ZNF263: variants seen among roughly 807,000 people sequenced by gnomAD.
ZNF263 encodes zinc finger protein FPM315.
A neutral mutation model predicts 63.1 loss-of-function variants in ZNF263; 49 were observed. The ratio of observed to expected loss-of-function variants is 0.78; its 90% CI spans 0.62 to 0.99. ZNF263 has a LOEUF of 0.99. ZNF263 is among the 50% of genes least tolerant of loss of function. The probability of loss-of-function intolerance (pLI) is 0.00; values close to 1 mark genes in which losing one functional copy is unlikely to be tolerated. For missense variants in ZNF263, 872 were observed against 854.8 expected, an observed-to-expected ratio of 1.02 and a Z score of -0.25; for synonymous variants, 352 against 324.2, an observed-to-expected ratio of 1.09 and a Z score of -0.92.
In ZNF263 at chr16:3,287,433, G is replaced by A. The variant is rs576477966; in HGVS notation, c.770-1021G>A. ...TTTTTTTTTTTTTTTTTTTTTTGAAGTGAGTCTCACTCTGTTGCCCAGGCT... is the reference window on the plus strand; with the variant it reads ...TTTTTTTTTTTTTTTTTTTTTTGAAATGAGTCTCACTCTGTTGCCCAGGCT... On this transcript the variant is annotated intron_variant, in intron 4 of 5. Coordinates refer to ENST00000219069, the MANE Select transcript of ZNF263 (RefSeq NM_005741.5). 1.8e-3 allele frequency among the ~76,000 whole-genome samples: 187 copies of A among 106,582 alleles called. 2 individuals carry two copies. The highest frequency in any genetic ancestry group is 7.7e-3 in the Admixed American group (61 of 7,956). The allele number at this position is 106,582 out of a possible 152,430, so 69.9% of individuals were successfully genotyped here.
At chr16:3,291,468 G>A, downstream of ZNF263, 1 of 985,470 alleles carries the variant, frequency 1.0e-6, no homozygotes, top group Non-Finnish European at 1.2e-6. Flanking sequence ...AAATGTCTGT[G>A]AGTCTTCAAT....
Position 3,290,178 on chromosome 16 carries a change from A to T in ZNF263, c.1672A>T (p.Ser558Cys). Residue 558 changes from serine (S) to cysteine (C), a missense_variant, in exon 6 of 6, where the codon AGC becomes TGC. Ser to Cys is a moderately radical substitution (Grantham distance 112). Transcript: ENST00000219069. ...FSECGEAVSD[S>C]TPFLTNHGAH... Reference sequence around the variant, plus strand: ...TGAGTGTGGGGAAGCTGTGAGTGACAGCACCCCCTTTCTTACAAACCATGG... The same window carrying T: ...TGAGTGTGGGGAAGCTGTGAGTGACTGCACCCCCTTTCTTACAAACCATGG... 1 of 1,614,164 alleles carries T rather than the reference A, an allele frequency of 6.2e-7. No homozygotes were observed. Among genetic ancestry groups the T allele is most frequent in the Non-Finnish European group, 8.5e-7 (1 of 1,180,032 alleles).
intron 3 of ZNF263, 59 bp downstream of exon 3, chr16:3,285,813 G>A: frequency 1.9e-6 from 3 of 1,591,802 alleles, no homozygotes; most frequent in South Asian, 1.1e-5. Flanking sequence ...AGTGTTGGGG[G>A]TGGGGGTTCT....
In ZNF263 at chr16:3,285,233, G is replaced by A. The variant is rs766818946; in HGVS notation, c.562G>A (p.Glu188Lys). ...CCAAAGGGACCCCCAGGCTGTAAAG[G>A]AGAGGGGTGAGGCACAGTTATCTGG... is the stretch of plus-strand genomic sequence containing the variant. Reference protein sequence around the residue: ...SPQRDPQAVKERALSAPWLSL... With the variant: ...SPQRDPQAVKKRALSAPWLSL... The change falls in exon 2 of 6, where the codon GAG becomes AAG. Residue 188 changes from glutamate (E) to lysine (K), a missense_variant. Glu to Lys is a moderately conservative substitution (Grantham distance 56). Transcript: ENST00000219069. 1 of 1,611,592 alleles carries A rather than the reference G, an allele frequency of 6.2e-7. No homozygotes were observed. Among genetic ancestry groups the A allele is most frequent in the South Asian group, 1.1e-5 (1 of 90,986 alleles).
Position 3,291,090 on chromosome 16 carries a change from A to G in ZNF263, c.*532A>G. On this transcript the variant is annotated 3_prime_UTR_variant, in exon 6 of 6. Coordinates refer to ENST00000219069, the MANE Select transcript of ZNF263 (RefSeq NM_005741.5). ...TGGGAAGCCATGGGCAGTCCAGATC[A>G]AGCCACCACGTGCCCTACGATGGCC... is the stretch of plus-strand genomic sequence containing the variant. 1 of 989,706 alleles carries G rather than the reference A, an allele frequency of 1.0e-6. No homozygotes were observed. Among genetic ancestry groups the G allele is most frequent in the Non-Finnish European group, 1.2e-6 (1 of 832,272 alleles). 61.3% of individuals were successfully genotyped at this position (989,706 alleles called of 1,614,324 possible).
At chr16:3,299,144 C>T in exon 2 of ZNF263, 1 of 1,496,684 alleles carries the variant, frequency 6.7e-7, no homozygotes, top group Non-Finnish European at 8.9e-7. Context: ...GTGGCATCAA[C>T]AAAGTCAAGA....
intron 1 of ZNF263, among the ~76,000 whole-genome samples, chr16:3,297,109 C>T (rs1959767225): frequency 6.6e-6 from 1 of 151,932 alleles, no homozygotes; most frequent in African/African-American, 2.4e-5. Context: ...TCAAGACCAA[C>T]CTGAGAAACA....
chr16:3,298,950 C>G lies in ZNF263; in HGVS notation c.152-156C>G, dbSNP rs377637766. On this transcript the variant is annotated intron_variant, in intron 1 of 2. Coordinates refer to the ZNF263 transcript ENST00000574674. ...GCCTACATCATATAATGGCAGAAATCTTTAAACACAAAATCTAATGATTAG... is the reference window on the plus strand; with the variant it reads ...GCCTACATCATATAATGGCAGAAATGTTTAAACACAAAATCTAATGATTAG... 16 of 1,160,882 alleles carry G rather than the reference C, an allele frequency of 1.4e-5. No individual in the cohort carries two copies. The African/African-American group carries it at 1.9e-4, about 14-fold the overall frequency. 71.9% of individuals were successfully genotyped at this position (1,160,882 alleles called of 1,614,324 possible).
chr16:3,284,936 G>C, intron 1 of ZNF263, 123 bp from the exon 2 acceptor site: 1 of 1,249,836 alleles, frequency 8.0e-7, no homozygotes, highest in Non-Finnish European at 1.1e-6. Flanking sequence ...CCATTTTTCT[G>C]TTACCTGGGC....
intron 4 of ZNF263, among the ~76,000 whole-genome samples, chr16:3,287,065 T>G (rs1047610060): frequency 2.6e-5 from 4 of 152,058 alleles, no homozygotes; most frequent in African/African-American, 9.7e-5. Flanking sequence ...GGTGACAGAG[T>G]GAGACTCTGT....
chr16:3,283,802 G>A lies in ZNF263; in HGVS notation c.-17G>A, dbSNP rs376653002. 13 of 1,539,744 alleles carry A rather than the reference G, an allele frequency of 8.4e-6. No individual in the cohort carries two copies. The Admixed American group carries it at 1.7e-4, about 21-fold the overall frequency. Reference sequence around the variant, plus strand: ...GGCACGGCTGGTTTCGGGCTAAGGCGCTCTGGAGACCTGACGATGGCGTCG... The same window carrying A: ...GGCACGGCTGGTTTCGGGCTAAGGCACTCTGGAGACCTGACGATGGCGTCG... On this transcript the variant is annotated 5_prime_UTR_variant, in exon 1 of 6. Transcript: ENST00000219069.
At position 3,290,807 on chromosome 16, in the gene ZNF263, T is replaced by C; in HGVS notation, c.*249T>C. On this transcript the variant is annotated 3_prime_UTR_variant, in exon 6 of 6. Transcript: ENST00000219069. ...GTGGAATTCTCTGTTAAGTCCACCC[T>C]GCCCCAGGGTGCTCCTACCCTCTTG... 7.8e-7 allele frequency: 1 copy of C among 1,277,084 alleles called. No homozygotes were observed. Among genetic ancestry groups the C allele is most frequent in the Non-Finnish European group, 9.9e-7 (1 of 1,010,378 alleles). The allele number at this position is 1,277,084 out of a possible 1,614,324, so 79.1% of individuals were successfully genotyped here. A position where few individuals can be genotyped will look rare whatever the true frequency, so the allele number is the denominator to read the frequency against.
At chr16:3,294,398 G>A (rs1346503626), downstream of ZNF263, among the ~76,000 whole-genome samples, 1 of 152,156 alleles carries the variant, frequency 6.6e-6, no homozygotes, top group African/African-American at 2.4e-5. Flanking sequence ...AAACCAACTA[G>A]CAAATTTCTT....
intron 2 of ZNF263, chr16:3,299,439 T>C (rs757229906): frequency 1.9e-6 from 3 of 1,561,130 alleles, no homozygotes; most frequent in South Asian, 1.2e-5. Flanking sequence ...CTATGGTTAT[T>C]TGTTTTACTT....
chr16:3,300,676 C>CAA, intron 2 of ZNF263: 5 of 1,312,478 alleles, frequency 3.8e-6, no homozygotes, highest in Admixed American at 2.7e-5. Context: ...AATGAATTGG[C>CAA]AAAAAAAAAA....
At chr16:3,295,332 C>G (rs766550688), downstream of ZNF263, among the ~76,000 whole-genome samples, 3 of 152,204 alleles carry the variant, frequency 2.0e-5, no homozygotes, top group Non-Finnish European at 4.4e-5. Context: ...CGTCCCGGGA[C>G]CTGTGCCCAG....
Position 3,283,526 on chromosome 16 carries a change from G to T in ZNF263, c.-293G>T, listed in dbSNP as rs1051128934. The T allele has an allele frequency of 1.4e-5, 4 of 289,606 alleles. No individual in the cohort carries two copies. The highest frequency in any genetic ancestry group is 2.2e-5 in the African/African-American group (1 of 44,502). The allele number at this position is 289,606 out of a possible 1,614,324, so 17.9% of individuals were successfully genotyped here. ...CTGAGATTTCCGGCGTGGGAGCAGA[G>T]GTCTGAGTCTTGCGTGGGTCCTCTA... On this transcript the variant is annotated 5_prime_UTR_variant, in exon 1 of 6. The change creates a new upstream start codon in the 5' untranslated region. Transcript: ENST00000219069.
In ZNF263 at chr16:3,284,121, G is replaced by A; in HGVS notation, c.303G>A (p.Val101=). The change falls in exon 1 of 6, where the codon GTG becomes GTA. Residue 101 remains valine, a synonymous_variant. Transcript: ENST00000219069. ...TILPQEIQSR[V]QELHPESGEE... Reference sequence around the variant, plus strand: ...TGCCCCAGGAGATCCAGAGCAGGGTGCAGGAGCTGCATCCGGAGAGCGGCG... The same window carrying A: ...TGCCCCAGGAGATCCAGAGCAGGGTACAGGAGCTGCATCCGGAGAGCGGCG... 1.9e-6 allele frequency: 3 copies of A among 1,609,664 alleles called. No individual in the cohort carries two copies. Among genetic ancestry groups the A allele is most frequent in the Non-Finnish European group, 2.5e-6 (3 of 1,177,396 alleles).
At chr16:3,295,903 C>T (rs1322294679), downstream of ZNF263, among the ~76,000 whole-genome samples, 2 of 152,206 alleles carry the variant, frequency 1.3e-5, no homozygotes, top group Non-Finnish European at 2.9e-5. Context: ...GTAGGATGTC[C>T]CCCAGGGACA....
Sources: gnomAD v4.1 joint callset for allele counts (sites outside exome capture counted in the v4.1 genomes callset) on GRCh38, gnomAD v4.1.1 for gene constraint, MANE v1.5 for transcripts, NCBI Gene and HGNC (gene_info 2026-07-23, HGNC 2026-07-21) for gene names.